Variants in DLG2 observed in about 807,000 individuals in gnomAD.
DLG2 encodes the protein discs large MAGUK scaffold protein 2.
Under a neutral mutation model 132.5 loss-of-function variants are expected in DLG2, and 45 were observed. The ratio of observed to expected loss-of-function variants is 0.34; its 90% CI spans 0.27 to 0.44. The LOEUF is 0.44. DLG2 is among the 20% of genes least tolerant of loss of function. The pLI is 1.00. For missense variants in DLG2, 1,045 were observed against 1,196.9 expected (o/e 0.87, Z 1.87); for synonymous variants, 424 against 419.6 (o/e 1.01, Z -0.13).
At chr11:84,203,176 C>A (rs929577195) in intron 8 of DLG2, among the ~76,000 whole-genome samples, 4 of 152,146 alleles carry the variant, frequency 2.6e-5, no homozygotes, top group African/African-American at 9.7e-5. Flanking sequence ...ATGTTCAGTG[C>A]AGCACTGTTC....
At chr11:83,627,582 A>G (rs539138278) in intron 19 of DLG2, among the ~76,000 whole-genome samples, 2 of 152,332 alleles carry the variant, frequency 1.3e-5, no homozygotes, top group Non-Finnish European at 2.9e-5. Context: ...CATGGTGTAT[A>G]TGTGCCACCT....
chr11:85,552,875 A>T (rs2076742661), intron 3 of DLG2, among the ~76,000 whole-genome samples: 1 of 151,622 alleles, frequency 6.6e-6, no homozygotes, highest in Non-Finnish European at 1.5e-5. Context: ...AATCGCTAAG[A>T]ATTTGCCCAA....
At chr11:84,555,270 T>C (rs186502688) in intron 6 of DLG2, among the ~76,000 whole-genome samples, 116 of 152,102 alleles carry the variant, frequency 7.6e-4, no homozygotes, top group Middle Eastern at 3.4e-3. Context: ...AACTACAATA[T>C]TATCTAGCAA....
At chr11:83,521,878 A>G (rs2095488973) in intron 21 of DLG2, among the ~76,000 whole-genome samples, 2 of 151,788 alleles carry the variant, frequency 1.3e-5, no homozygotes, top group South Asian at 2.1e-4. Context: ...CCAAGTCCCC[A>G]CCATCCATCC....
intron 6 of DLG2, among the ~76,000 whole-genome samples, chr11:84,924,005 T>C (rs546419699): frequency 6.6e-5 from 10 of 151,978 alleles, no homozygotes; most frequent in Admixed American, 2.0e-4. Context: ...TCAGATTCAG[T>C]AGCAACTGCT....
At chr11:84,814,791 C>A (rs1480346292) in intron 6 of DLG2, among the ~76,000 whole-genome samples, 1 of 152,094 alleles carries the variant, frequency 6.6e-6, no homozygotes, top group African/African-American at 2.4e-5. Context: ...TATACTCTTA[C>A]ATTGCTATTC....
intron 9 of DLG2, among the ~76,000 whole-genome samples, chr11:84,120,498 T>C (rs1452811670): frequency 6.6e-6 from 1 of 152,212 alleles, no homozygotes; most frequent in Non-Finnish European, 1.5e-5. Context: ...GCAGTATCAC[T>C]GCATCAAAAA....
intron 6 of DLG2, among the ~76,000 whole-genome samples, chr11:84,587,496 TTC>T (rs1218831586): frequency 1.3e-5 from 2 of 152,230 alleles, no homozygotes; most frequent in African/African-American, 4.8e-5. Context: ...ATAAATGTTT[TTC>T]TGTCATGACT....
intron 19 of DLG2, among the ~76,000 whole-genome samples, chr11:83,589,110 C>T (rs1231772935): frequency 4.7e-5 from 7 of 148,746 alleles, no homozygotes; most frequent in Non-Finnish European, 9.0e-5. Context: ...GCAAGGCAGG[C>T]CAACGTTCAG....
chr11:84,677,567 A>G (rs1287642344), intron 6 of DLG2, among the ~76,000 whole-genome samples: 1 of 152,064 alleles, frequency 6.6e-6, no homozygotes, highest in Admixed American at 6.6e-5. Context: ...TCATATTTTT[A>G]CAAAACACTA....
intron 6 of DLG2, among the ~76,000 whole-genome samples, chr11:85,021,858 C>A (rs2060103178): frequency 6.6e-6 from 1 of 152,118 alleles, no homozygotes; most frequent in Admixed American, 6.5e-5. Context: ...AATTTGCCTT[C>A]TTTTCACACG....
chr11:85,323,833 C>T (rs1238829971), intron 3 of DLG2, among the ~76,000 whole-genome samples: 2 of 152,210 alleles, frequency 1.3e-5, no homozygotes, highest in South Asian at 2.1e-4. Flanking sequence ...TGACAGAATT[C>T]CATTCTTTTT....
chr11:84,778,712 T>C (rs555003405), intron 6 of DLG2, among the ~76,000 whole-genome samples: 2 of 152,308 alleles, frequency 1.3e-5, no homozygotes, highest in Admixed American at 1.3e-4. Context: ...AGGGAAATTA[T>C]TGTTTTTGGA....
At chr11:83,863,312 T>C (rs1189556715) in intron 16 of DLG2, among the ~76,000 whole-genome samples, 2 of 152,096 alleles carry the variant, frequency 1.3e-5, no homozygotes, top group Non-Finnish European at 2.9e-5. Context: ...GAAATCAGTT[T>C]TGGGGGGTGT....
At chr11:85,117,013 C>T (rs943097561) in intron 5 of DLG2, among the ~76,000 whole-genome samples, 51 of 151,944 alleles carry the variant, frequency 3.4e-4, no homozygotes, top group African/African-American at 1.2e-3. Flanking sequence ...TGACTCTCAC[C>T]TAAGAAGCTT....
chr11:85,077,102 GA>G (rs2066637216), intron 6 of DLG2, among the ~76,000 whole-genome samples: 1 of 151,830 alleles, frequency 6.6e-6, no homozygotes, highest in South Asian at 2.1e-4. Flanking sequence ...CACAGACTAG[GA>G]CAATGCTTGG....
intron 6 of DLG2, among the ~76,000 whole-genome samples, chr11:85,060,283 AT>A (rs1458724855): frequency 1.3e-5 from 2 of 151,166 alleles, no homozygotes; most frequent in East Asian, 3.9e-4. Context: ...CAAGATTTTC[AT>A]TTTTTAAAGG....
chr11:83,700,522 G>T (rs2082737829), intron 18 of DLG2, among the ~76,000 whole-genome samples: 1 of 152,142 alleles, frequency 6.6e-6, no homozygotes, highest in South Asian at 2.1e-4. Flanking sequence ...ACAAAATGTA[G>T]AGAATCAAAA....
At chr11:84,127,519 A>G (rs901052325) in intron 9 of DLG2, among the ~76,000 whole-genome samples, 1 of 152,238 alleles carries the variant, frequency 6.6e-6, no homozygotes, top group South Asian at 2.1e-4. Flanking sequence ...TTCCATGTCT[A>G]TCTCCTAACT....
Sources: gnomAD v4.1 joint callset for allele counts (sites outside exome capture counted in the v4.1 genomes callset) on GRCh38, gnomAD v4.1.1 for gene constraint, MANE v1.5 for transcripts, NCBI Gene and HGNC (gene_info 2026-07-23, HGNC 2026-07-21) for gene names.